The following SLC25A21 variants were observed in gnomAD, a reference collection of about 807,000 sequenced individuals.
SLC25A21 encodes the protein mitochondrial 2-oxodicarboxylate carrier.
Under a neutral mutation model 43.8 loss-of-function variants are expected in SLC25A21, and 47 were observed. That is an observed-to-expected ratio of 1.07 (90% CI 0.85 to 1.37). The LOEUF is 1.37. Among genes scored for constraint, SLC25A21 ranks in the 40% most tolerant of loss-of-function variants. SLC25A21 has a pLI of 0.00. For missense variants in SLC25A21, 352 were observed against 350.2 expected, an observed-to-expected ratio of 1.00 and a Z score of -0.04; for synonymous variants, 131 against 121.3, an observed-to-expected ratio of 1.08 and a Z score of -0.52.
intron 5 of SLC25A21, 118 bp downstream of exon 5, chr14:36,729,389 T>C (rs1884728373): frequency 2.6e-6 from 2 of 778,222 alleles, no homozygotes; most frequent in Admixed American, 7.0e-5. Flanking sequence ...AGCTGAACAC[T>C]GAATAACTCG....
intron 7 of SLC25A21, among the ~76,000 whole-genome samples, chr14:36,686,662 A>G (rs1030595646): frequency 6.6e-6 from 1 of 152,238 alleles, no homozygotes; most frequent in African/African-American, 2.4e-5. Flanking sequence ...CTAAAGATGC[A>G]AACATTCTGT....
chr14:37,097,254 C>A (rs1050499966), intron 1 of SLC25A21: 2 of 151,740 alleles, frequency 1.3e-5, no homozygotes, highest in Non-Finnish European at 2.9e-5. Context: ...GTGTGCACCA[C>A]CCCACCCAGC....
chr14:36,835,886 G>A (rs1327335442), intron 2 of SLC25A21, among the ~76,000 whole-genome samples: 2 of 152,142 alleles, frequency 1.3e-5, no homozygotes, highest in Non-Finnish European at 2.9e-5. Flanking sequence ...CCTCTTTCCT[G>A]AGTGGCACTC....
At chr14:37,008,153 C>T (rs7156230) in intron 1 of SLC25A21, among the ~76,000 whole-genome samples, 28,166 of 152,042 alleles carry the variant, frequency 0.19, 3,032 homozygotes, top group East Asian at 0.37. Context: ...GGATTACAGG[C>T]ATGAACCACT....
chr14:37,004,046 C>A (rs567756219), intron 1 of SLC25A21, among the ~76,000 whole-genome samples: 7 of 152,210 alleles, frequency 4.6e-5, no homozygotes, highest in African/African-American at 1.7e-4. Context: ...TCTTTCCCCC[C>A]ACCAGGCATC....
intron 3 of SLC25A21, among the ~76,000 whole-genome samples, chr14:36,771,674 C>T (rs1886625153): frequency 1.3e-5 from 2 of 151,810 alleles, no homozygotes; most frequent in African/African-American, 4.8e-5. Flanking sequence ...TATTAGATTT[C>T]CCAGACAAGC....
chr14:37,128,516 T>TTG (rs1963334251), intron 1 of SLC25A21, among the ~76,000 whole-genome samples: 2 of 130,832 alleles, frequency 1.5e-5, no homozygotes, highest in East Asian at 4.4e-4. Context: ...AAGCATTACT[T>TTG]TCTGTCTCTC....
At chr14:36,834,588 C>G (rs988104753) in intron 2 of SLC25A21, among the ~76,000 whole-genome samples, 1 of 152,164 alleles carries the variant, frequency 6.6e-6, no homozygotes, top group African/African-American at 2.4e-5. Flanking sequence ...CCTCTCTCCC[C>G]ACTTCTCCCT....
intron 1 of SLC25A21, among the ~76,000 whole-genome samples, chr14:37,002,001 A>G (rs973396734): frequency 1.3e-5 from 2 of 152,174 alleles, no homozygotes; most frequent in East Asian, 3.9e-4. Flanking sequence ...GTGATATAAA[A>G]TATTAAATAT....
intron 1 of SLC25A21, among the ~76,000 whole-genome samples, chr14:36,930,893 C>T (rs1368120642): frequency 6.6e-6 from 1 of 152,080 alleles, no homozygotes; most frequent in Non-Finnish European, 1.5e-5. Flanking sequence ...CCAGTATTTG[C>T]TTCCCCAAAT....
At chr14:36,736,088 A>C (rs1025075729) in intron 3 of SLC25A21, among the ~76,000 whole-genome samples, 1 of 151,628 alleles carries the variant, frequency 6.6e-6, no homozygotes, top group Non-Finnish European at 1.5e-5. Context: ...GGCACCCGCC[A>C]CCACGCCCGG....
Position 36,901,396 on chromosome 14 carries a change from T to C in SLC25A21, c.71-26392A>G, listed in dbSNP as rs148062025. 9.8e-3 allele frequency among the ~76,000 whole-genome samples: 1,485 copies of C among 152,254 alleles called. 20 individuals are homozygous for C. The highest frequency in any genetic ancestry group is 0.032 in the African/African-American group (1,347 of 41,542). Reference sequence around the variant, plus strand: ...GTCATATGGAATAAAGGCAATAATATTCTGTATTTTGAGTTAATCTGAACT... The same window carrying C: ...GTCATATGGAATAAAGGCAATAATACTCTGTATTTTGAGTTAATCTGAACT... On this transcript the variant is annotated intron_variant, in intron 1 of 9. Transcript: ENST00000331299.
At chr14:37,106,280 T>C (rs1962910954) in intron 1 of SLC25A21, among the ~76,000 whole-genome samples, 1 of 152,070 alleles carries the variant, frequency 6.6e-6, no homozygotes, top group Non-Finnish European at 1.5e-5. Context: ...AGAAAGCCTA[T>C]AAATGGAAGT....
chr14:37,146,489 C>T (rs1462281457), intron 1 of SLC25A21, among the ~76,000 whole-genome samples: 11 of 152,110 alleles, frequency 7.2e-5, no homozygotes, highest in African/African-American at 1.9e-4. Flanking sequence ...TCAAGAGATC[C>T]GCCTGACTTG....
intron 3 of SLC25A21, among the ~76,000 whole-genome samples, chr14:36,804,815 T>C (rs1213086596): frequency 6.6e-6 from 1 of 152,196 alleles, no homozygotes; most frequent in African/African-American, 2.4e-5. Flanking sequence ...GAAGAGTGCT[T>C]TTAGGAAGTT....
chr14:36,716,847 T>C (rs1308144667), intron 6 of SLC25A21, among the ~76,000 whole-genome samples: 2 of 152,136 alleles, frequency 1.3e-5, no homozygotes, highest in African/African-American at 2.4e-5. Context: ...TGTCAGTGGA[T>C]TTCCTCCATC....
At chr14:36,899,915 G>A (rs949156084) in intron 1 of SLC25A21, among the ~76,000 whole-genome samples, 11 of 152,132 alleles carry the variant, frequency 7.2e-5, no homozygotes, top group African/African-American at 2.7e-4. Flanking sequence ...GAATTTGTAT[G>A]AGAGAAACAA....
At chr14:37,121,967 C>T (rs1963216967) in intron 1 of SLC25A21, among the ~76,000 whole-genome samples, 1 of 47,952 alleles carries the variant, frequency 2.1e-5, no homozygotes, top group South Asian at 2.1e-3. Flanking sequence ...AGCAATAAAC[C>T]CATCTCCCCT....
At chr14:36,889,478 A>G (rs1891018504) in intron 1 of SLC25A21, among the ~76,000 whole-genome samples, 2 of 152,138 alleles carry the variant, frequency 1.3e-5, no homozygotes, top group Non-Finnish European at 2.9e-5. Context: ...CATTATCTTA[A>G]TCAATTAATT....
Sources: allele counts gnomAD v4.1 joint callset (sites outside exome capture counted in the v4.1 genomes callset), GRCh38; gene constraint gnomAD v4.1.1; transcripts MANE v1.5; gene names NCBI Gene and HGNC (gene_info 2026-07-23, HGNC 2026-07-21).